Variants in KIAA1328 observed in about 807,000 individuals in gnomAD.
KIAA1328 encodes the protein protein hinderin.
KIAA1328 carries 52 observed loss-of-function variants against 68.1 expected under a neutral mutation model. The observed-to-expected ratio is 0.76, with a 90% CI of 0.61 to 0.96. The LOEUF is 0.96. Ranked by LOEUF, KIAA1328 falls within the 40% of genes least tolerant of loss-of-function variation. The pLI, the probability that KIAA1328 is intolerant of heterozygous loss-of-function variation, is 0.00. For synonymous variants in KIAA1328, 232 were observed against 239.4 expected (o/e 0.97, Z 0.28); for missense variants, 641 against 677.6 (o/e 0.95, Z 0.60).
intron 5 of KIAA1328, among the ~76,000 whole-genome samples, chr18:36,911,463 T>C (rs974309491): frequency 6.6e-6 from 1 of 152,176 alleles, no homozygotes; most frequent in Admixed American, 6.6e-5. Context: ...TATATATCAA[T>C]TAACCAGATT....
At chr18:37,204,787 T>A (rs1473829617) in intron 9 of KIAA1328, among the ~76,000 whole-genome samples, 2 of 146,698 alleles carry the variant, frequency 1.4e-5, no homozygotes, top group Admixed American at 6.8e-5. Context: ...AAAACACCTC[T>A]CAAGAAACAG....
chr18:37,154,473 C>T (rs1338103591), intron 7 of KIAA1328, among the ~76,000 whole-genome samples: 1 of 152,142 alleles, frequency 6.6e-6, no homozygotes, highest in Non-Finnish European at 1.5e-5. Context: ...CTGCAGCAGT[C>T]CATCCTTTTC....
intron 8 of KIAA1328, among the ~76,000 whole-genome samples, chr18:37,172,645 A>T (rs912802678): frequency 1.1e-4 from 16 of 152,256 alleles, no homozygotes; most frequent in Non-Finnish European, 2.2e-4. Flanking sequence ...TATGAAAGTT[A>T]AAGGGAGCAA....
intron 7 of KIAA1328, among the ~76,000 whole-genome samples, chr18:37,126,942 G>C (rs185462253): frequency 1.1e-4 from 16 of 152,214 alleles, no homozygotes; most frequent in African/African-American, 3.9e-4. Flanking sequence ...CCTCAACTTG[G>C]TAAGACTGAT....
chr18:37,048,005 C>T (rs1471296835), intron 6 of KIAA1328, among the ~76,000 whole-genome samples: 4 of 152,132 alleles, frequency 2.6e-5, no homozygotes, highest in African/African-American at 9.7e-5. Flanking sequence ...GCCAAATATA[C>T]AAGATTTGGC....
rs150037597 is a variant in KIAA1328, at chr18:37,109,699, C to T, written c.1232+42154C>T. Among the ~76,000 whole-genome samples, 13 of 152,286 alleles carry T rather than the reference C, an allele frequency of 8.5e-5. No individual in the cohort carries two copies. In the East Asian group the frequency reaches 2.5e-3, roughly 29 times the overall value. On this transcript the variant is annotated intron_variant, in intron 7 of 9. Transcript: ENST00000280020. ...TGGTTAATAAATTGTATAAACATTA[C>T]ACTTTATCTGCTGCACGTGAATAGA...
intron 1 of KIAA1328, among the ~76,000 whole-genome samples, chr18:36,831,444 TC>T (rs2046489617): frequency 6.6e-6 from 1 of 152,236 alleles, no homozygotes; most frequent in Admixed American, 6.5e-5. Flanking sequence ...GGTTAAATCT[TC>T]CAGCAAAATA....
intron 5 of KIAA1328, chr18:36,902,143 T>G (rs2049059308): frequency 6.6e-6 from 1 of 151,692 alleles, no homozygotes; most frequent in African/African-American, 2.4e-5. Flanking sequence ...CCGGACATCA[T>G]ATGAAAGTTG....
At chr18:36,977,754 C>T (rs571855811) in intron 6 of KIAA1328, among the ~76,000 whole-genome samples, 2 of 152,154 alleles carry the variant, frequency 1.3e-5, no homozygotes, top group East Asian at 3.9e-4. Context: ...TATAGTCATA[C>T]TCACTGTGAA....
At chr18:36,870,991 C>A (rs1210150378) in intron 4 of KIAA1328, among the ~76,000 whole-genome samples, 1 of 152,220 alleles carries the variant, frequency 6.6e-6, no homozygotes, top group East Asian at 1.9e-4. Context: ...CCATTTCCAG[C>A]TGTGGCTGCC....
At chr18:37,113,436 T>C (rs926591582) in intron 7 of KIAA1328, among the ~76,000 whole-genome samples, 1 of 152,084 alleles carries the variant, frequency 6.6e-6, no homozygotes, top group African/African-American at 2.4e-5. Context: ...AGAAATAAAA[T>C]CCTTTACAGA....
chr18:37,124,771 GC>G (rs2058352925), intron 7 of KIAA1328, among the ~76,000 whole-genome samples: 2 of 152,062 alleles, frequency 1.3e-5, no homozygotes, highest in South Asian at 4.1e-4. Context: ...AATATGCTAA[GC>G]TTATTATCAT....
chr18:36,870,324 A>G (rs1181032404), intron 4 of KIAA1328, among the ~76,000 whole-genome samples: 1 of 152,184 alleles, frequency 6.6e-6, no homozygotes, highest in African/African-American at 2.4e-5. Flanking sequence ...TAATTGATTA[A>G]TCTAAGATAC....
chr18:36,896,255 G>A (rs1371421241), intron 5 of KIAA1328, among the ~76,000 whole-genome samples: 2 of 151,906 alleles, frequency 1.3e-5, no homozygotes, highest in Non-Finnish European at 2.9e-5. Context: ...ATATCATTTT[G>A]TATTATTTTT....
At chr18:36,914,668 C>T (rs949247851) in intron 5 of KIAA1328, among the ~76,000 whole-genome samples, 4 of 152,056 alleles carry the variant, frequency 2.6e-5, no homozygotes, top group Non-Finnish European at 4.4e-5. Context: ...TGCAGTGAGC[C>T]GAGATCATGC....
chr18:37,175,158 A>G (rs2059575714), intron 9 of KIAA1328, among the ~76,000 whole-genome samples: 1 of 152,244 alleles, frequency 6.6e-6, no homozygotes, highest in Non-Finnish European at 1.5e-5. Flanking sequence ...GAGGTAAAGA[A>G]GGAAGATTAT....
intron 7 of KIAA1328, 104 bp downstream of exon 7, chr18:37,067,649 C>T (rs1289358138): frequency 1.6e-6 from 2 of 1,224,846 alleles, no homozygotes; most frequent in African/African-American, 1.5e-5. Context: ...CAGCCTCCGC[C>T]TCCCGAGTTC....
chr18:37,035,544 T>C (rs1328759611), intron 6 of KIAA1328, among the ~76,000 whole-genome samples: 1 of 152,138 alleles, frequency 6.6e-6, no homozygotes, highest in Non-Finnish European at 1.5e-5. Context: ...GCAGATAGGA[T>C]TAGAAATATT....
intron 9 of KIAA1328, among the ~76,000 whole-genome samples, chr18:37,175,282 A>G (rs1037042239): frequency 3.2e-4 from 49 of 152,290 alleles, no homozygotes; most frequent in Non-Finnish European, 6.6e-4. Context: ...GGGAAGTATG[A>G]AAAAATGGAA....
Sources: gnomAD v4.1 joint callset for allele counts (sites outside exome capture counted in the v4.1 genomes callset) on GRCh38, gnomAD v4.1.1 for gene constraint, MANE v1.5 for transcripts, NCBI Gene and HGNC (gene_info 2026-07-23, HGNC 2026-07-21) for gene names.